Variants in ANKRD29 observed in about 807,000 individuals in gnomAD.
The protein encoded by ANKRD29 is ankyrin repeat domain 29, also known as ankyrin repeat domain-containing protein 29.
Under a neutral mutation model 38.0 loss-of-function variants are expected in ANKRD29, and 32 were observed. That is an observed-to-expected ratio of 0.84 (90% confidence interval 0.64 to 1.13). The LOEUF is 1.13. ANKRD29 is among the 50% of genes most tolerant of loss of function. ANKRD29 has a pLI of 0.00. For missense variants in ANKRD29, 357 were observed against 377.9 expected (o/e 0.94, Z 0.46); for synonymous variants, 135 against 152.4 (o/e 0.89, Z 0.84).
At position 23,601,231 on chromosome 18, in the gene ANKRD29, T is replaced by C; in HGVS notation, c.901A>G (p.Ser301Gly). Residue 301 changes from serine to glycine, a missense_variant, in exon 10 of 10, where the codon AGC becomes GGC. Transcript: ENST00000592179. Reference sequence around the variant, plus strand: ...CTGTCAAATATGGAGCTAAGTTAGCTCTTTCTGGGACCTTCTTTACTTCTC... The same window carrying C: ...CTGTCAAATATGGAGCTAAGTTAGCCCTTTCTGGGACCTTCTTTACTTCTC... ...LLRSKEGPRK[S>G] The C allele has an allele frequency of 1.2e-6, 2 of 1,613,932 alleles. No homozygotes were observed. Among genetic ancestry groups the C allele is most frequent in the South Asian group, 1.1e-5 (1 of 91,058 alleles).
At chr18:23,611,921 T>C (rs1215461069) in intron 9 of ANKRD29, among the ~76,000 whole-genome samples, 171 bp downstream of exon 9, 1 of 152,050 alleles carries the variant, frequency 6.6e-6, no homozygotes, top group Non-Finnish European at 1.5e-5. Flanking sequence ...ACAGTAGAAT[T>C]TCCTGGGTCC....
intron 9 of ANKRD29, among the ~76,000 whole-genome samples, chr18:23,607,013 T>C (rs1031414944): frequency 6.6e-6 from 1 of 152,200 alleles, no homozygotes; most frequent in African/African-American, 2.4e-5. Flanking sequence ...AGTTGCTTTA[T>C]CTGGAAACTT....
rs1383242864 is a variant in ANKRD29, at chr18:23,600,502, CA to C, written c.*723del. On this transcript the variant is annotated 3_prime_UTR_variant, in exon 10 of 10. Transcript: ENST00000592179. The stretch of plus-strand genomic sequence containing the variant: ...TAAGTTTCTGAATTTCCAAATTTGC[CA>C]CTGGTATTTTAACCTACCTACAATG... 6.6e-6 allele frequency: 1 copy of C among 152,458 alleles called. No homozygotes were observed. Among genetic ancestry groups the C allele is most frequent in the East Asian group, 1.9e-4 (1 of 5,202 alleles). 9.4% of individuals were successfully genotyped at this position (152,458 alleles called of 1,614,324 possible).
chr18:23,647,088 G>A (rs2060149388), intron 2 of ANKRD29: 1 of 152,226 alleles, frequency 6.6e-6, no homozygotes, highest in African/African-American at 2.4e-5. Context: ...TGCACACAGG[G>A]GAGGCTCATT....
At chr18:23,660,951 G>T (rs138982386) in intron 1 of ANKRD29, among the ~76,000 whole-genome samples, 1 of 152,276 alleles carries the variant, frequency 6.6e-6, no homozygotes, top group Non-Finnish European at 1.5e-5. Context: ...TCTTGGCAAG[G>T]TCACCAGTGC....
chr18:23,632,527 G>GTATATATATATATA (rs1313797895), intron 5 of ANKRD29, among the ~76,000 whole-genome samples: 17 of 60,560 alleles, frequency 2.8e-4, no homozygotes, highest in African/African-American at 1.1e-3. Flanking sequence ...GTGTGTGTGT[G>GTATATATATATATA]TGTGTGTATA....
At chr18:23,603,461 T>C (rs1187592205) in intron 9 of ANKRD29, among the ~76,000 whole-genome samples, 1 of 152,116 alleles carries the variant, frequency 6.6e-6, no homozygotes, top group Non-Finnish European at 1.5e-5. Flanking sequence ...GGCAAAAACC[T>C]GTCTCCACTA....
chr18:23,655,947 G>T (rs1272444140), intron 1 of ANKRD29, among the ~76,000 whole-genome samples: 1 of 150,220 alleles, frequency 6.7e-6, no homozygotes, highest in Admixed American at 6.6e-5. Context: ...CAAAAAATTA[G>T]CCGGGCGTAG....
rs529069090 is a variant in ANKRD29, at chr18:23,638,699, CTACAAGTA to C, written c.330+142_330+149del. Reference sequence around the variant, plus strand: ...AACCCTTAGAGCTACCCCTGAACCACTACAAGTAACCTTGAGGAAATCCACTTACTTAG... The same window carrying C: ...AACCCTTAGAGCTACCCCTGAACCACACCTTGAGGAAATCCACTTACTTAG... On this transcript the variant is annotated intron_variant, in intron 4 of 9. Coordinates refer to ENST00000592179, the MANE Select transcript of ANKRD29 (RefSeq NM_173505.4). 2.3e-4 allele frequency: 146 copies of C among 645,650 alleles called. No homozygotes were observed. The East Asian group carries it at 4.2e-3, about 19-fold the overall frequency. The allele number at this position is 645,650 out of a possible 1,614,324, so 40.0% of individuals were successfully genotyped here. A position where few individuals can be genotyped will look rare whatever the true frequency, so the allele number is the denominator to read the frequency against.
chr18:23,619,652 C>G (rs1262373645), intron 6 of ANKRD29, 23 bp from the exon 7 acceptor site: 1 of 1,533,202 alleles, frequency 6.5e-7, no homozygotes, highest in Non-Finnish European at 8.7e-7. Context: ...GAGGCGGCGG[C>G]CGCCGTGACT....
chr18:23,637,452 C>T (rs985320243), intron 4 of ANKRD29, among the ~76,000 whole-genome samples: 1 of 152,110 alleles, frequency 6.6e-6, no homozygotes, highest in Admixed American at 6.6e-5. Context: ...GGCTGGAGTG[C>T]AGTGGCATGA....
intron 3 of ANKRD29, among the ~76,000 whole-genome samples, chr18:23,642,291 C>T (rs1002895364): frequency 1.3e-5 from 2 of 151,930 alleles, no homozygotes; most frequent in Admixed American, 6.6e-5. Flanking sequence ...CCTAGGGGCT[C>T]CCTGAGCCAG....
At chr18:23,642,284 AG>A (rs907228643) in intron 3 of ANKRD29, among the ~76,000 whole-genome samples, 1 of 151,802 alleles carries the variant, frequency 6.6e-6, no homozygotes, top group African/African-American at 2.4e-5. Flanking sequence ...GCCCAGACCT[AG>A]GGGCTCCCTG....
At chr18:23,619,425 G>A (rs1809486031) in intron 7 of ANKRD29, 106 bp downstream of exon 7, 1 of 1,076,508 alleles carries the variant, frequency 9.3e-7, no homozygotes, top group Non-Finnish European at 1.3e-6. Flanking sequence ...CAAGGAAGGA[G>A]GTTGGGAGGA....
intron 9 of ANKRD29, 41 bp downstream of exon 9, chr18:23,612,051 T>C: frequency 1.9e-6 from 3 of 1,580,976 alleles, no homozygotes; most frequent in African/African-American, 1.3e-5. Flanking sequence ...GGAGGACACA[T>C]CAATGGGCCC....
chr18:23,634,652 A>G (rs1185228416), intron 4 of ANKRD29, among the ~76,000 whole-genome samples: 1 of 151,920 alleles, frequency 6.6e-6, no homozygotes, highest in African/African-American at 2.4e-5. Flanking sequence ...CATCCTAAGG[A>G]CGTGATTATG....
intron 1 of ANKRD29, among the ~76,000 whole-genome samples, chr18:23,659,835 G>A (rs1390860394): frequency 3.3e-5 from 5 of 152,076 alleles, no homozygotes; most frequent in Admixed American, 3.3e-4. Flanking sequence ...CATCGGCCAG[G>A]CGCGGTGGCC....
chr18:23,610,736 C>T (rs781016815), intron 9 of ANKRD29, among the ~76,000 whole-genome samples: 2 of 152,156 alleles, frequency 1.3e-5, no homozygotes, highest in African/African-American at 4.8e-5. Flanking sequence ...ATTGCAGTGG[C>T]GTGACCATGG....
rs936336440 is a variant in ANKRD29 at position 23,617,796 on chromosome 18, T to C, written c.659A>G (p.Asn220Ser). The C allele has an allele frequency of 1.9e-6, 3 of 1,614,132 alleles. No homozygotes were observed. The highest frequency in any genetic ancestry group is 2.5e-6 in the Non-Finnish European group (3 of 1,180,002). Residue 220 changes from asparagine (N) to serine (S), a missense_variant, in exon 8 of 10, where the codon AAC becomes AGC. Coordinates refer to ENST00000592179, the MANE Select transcript of ANKRD29 (RefSeq NM_173505.4). ...DGTTALLKAA[N>S]KGYNDVIKEL... The stretch of plus-strand genomic sequence containing the variant: ...TTTTATGACATCATTATACCCTTTG[T>C]TGGCTGCTTTCAATAATGCTGTTGT...
Sources: gnomAD v4.1 joint callset for allele counts (sites outside exome capture counted in the v4.1 genomes callset) on GRCh38, gnomAD v4.1.1 for gene constraint, MANE v1.5 for transcripts, NCBI Gene and HGNC (gene_info 2026-07-23, HGNC 2026-07-21) for gene names.